SUMF1: variants seen among roughly 807,000 people sequenced by gnomAD.
The protein encoded by SUMF1 is sulfatase modifying factor 1.
SUMF1 carries 48 observed loss-of-function variants against 47.6 expected under a neutral mutation model. The observed-to-expected ratio is 1.01, with a 90% CI of 0.80 to 1.28. The LOEUF (loss-of-function observed/expected upper bound fraction) is 1.28. Among genes scored for constraint, SUMF1 ranks in the 50% most tolerant of loss-of-function variants. The pLI is 0.00. For missense variants in SUMF1, 571 were observed against 485.4 expected, an observed-to-expected ratio of 1.18 and a Z score of -1.66; for synonymous variants, 230 against 192.1, an observed-to-expected ratio of 1.20 and a Z score of -1.63.
intron 8 of SUMF1, among the ~76,000 whole-genome samples, chr3:4,341,460 T>C (rs759947811): frequency 1.3e-5 from 2 of 152,182 alleles, no homozygotes; most frequent in Admixed American, 6.5e-5. Flanking sequence ...AATGAATACA[T>C]AGCTTTTCTT....
chr3:4,322,803 A>G lies in SUMF1; in HGVS notation c.1014+53527T>C, dbSNP rs180810460. Among the ~76,000 whole-genome samples, 444 of 152,320 alleles carry G rather than the reference A, an allele frequency of 2.9e-3. 1 individual carries two copies. Among genetic ancestry groups the G allele is most frequent in the Non-Finnish European group, 5.2e-3 (353 of 68,018 alleles). On this transcript the variant is annotated intron_variant and NMD_transcript_variant, in intron 8 of 12. Coordinates refer to the SUMF1 transcript ENST00000448413. ...AGTTTGGCAGTTTCTCAAAGCTCAC[A>G]TACAATTACCACATGTCCCAGTAAC...
chr3:4,211,573 G>A (rs927250277), intron 8 of SUMF1, among the ~76,000 whole-genome samples: 6 of 151,708 alleles, frequency 4.0e-5, no homozygotes, highest in South Asian at 2.1e-4. Context: ...TACTTAAACC[G>A]GACACAGAAA....
At chr3:4,384,934 G>A (rs548658099) in intron 7 of SUMF1, among the ~76,000 whole-genome samples, 13 of 151,102 alleles carry the variant, frequency 8.6e-5, no homozygotes, top group Non-Finnish European at 1.9e-4. Flanking sequence ...CGCCCAGGCT[G>A]GAGCGCAGTG....
intron 8 of SUMF1, among the ~76,000 whole-genome samples, chr3:4,290,589 T>C (rs1175171924): frequency 2.0e-5 from 3 of 152,160 alleles, no homozygotes; most frequent in South Asian, 2.1e-4. Context: ...CTGCCCCAAA[T>C]CTACATCTTC....
intron 8 of SUMF1, chr3:4,316,806 G>T (rs968130346): frequency 1.9e-6 from 3 of 1,550,670 alleles, no homozygotes; most frequent in Non-Finnish European, 2.6e-6. Flanking sequence ...TTGGTGGTCT[G>T]CTGCTGGTCT....
At chr3:4,238,085 C>G (rs1378446018) in intron 8 of SUMF1, among the ~76,000 whole-genome samples, 2 of 152,120 alleles carry the variant, frequency 1.3e-5, no homozygotes, top group African/African-American at 4.8e-5. Context: ...CCAGCTTCAT[C>G]CATGTCCCTG....
At chr3:4,393,481 T>C (rs1219629198) in intron 7 of SUMF1, among the ~76,000 whole-genome samples, 2 of 152,188 alleles carry the variant, frequency 1.3e-5, no homozygotes, top group African/African-American at 2.4e-5. Context: ...TACAGGCATA[T>C]GCCACCACAC....
At chr3:4,186,323 A>T (rs1315942209) in intron 8 of SUMF1, among the ~76,000 whole-genome samples, 1 of 152,136 alleles carries the variant, frequency 6.6e-6, no homozygotes, top group Non-Finnish European at 1.5e-5. Context: ...CTATTTTTCC[A>T]TTAAGACTCC....
intron 8 of SUMF1, among the ~76,000 whole-genome samples, chr3:4,130,245 T>C (rs957744702): frequency 2.0e-5 from 3 of 152,170 alleles, no homozygotes; most frequent in African/African-American, 7.2e-5. Context: ...AGATGTGATT[T>C]CATTGCTTGA....
chr3:4,186,088 A>T (rs935011392), intron 8 of SUMF1, among the ~76,000 whole-genome samples: 1 of 152,182 alleles, frequency 6.6e-6, no homozygotes, highest in African/African-American at 2.4e-5. Flanking sequence ...GGATAGAGTC[A>T]TTTCAAATAC....
chr3:4,256,690 A>T (rs934399480), intron 8 of SUMF1, among the ~76,000 whole-genome samples: 6 of 152,162 alleles, frequency 3.9e-5, no homozygotes, highest in Non-Finnish European at 1.5e-5. Flanking sequence ...CAGAGGTACA[A>T]GGAGGAACTG....
chr3:4,133,944 G>A lies in SUMF1; in HGVS notation c.1015-65199C>T, dbSNP rs565833534. On this transcript the variant is annotated intron_variant and NMD_transcript_variant, in intron 8 of 12. Transcript: ENST00000448413. ...GATGGGAACACACGGGCAGACTGAC[G>A]AATCTGGGGATACTCAGCTCCTAAA... Among the ~76,000 whole-genome samples, 17 of 152,068 alleles carry A rather than the reference G, an allele frequency of 1.1e-4. No individual in the cohort carries two copies. In the South Asian group the frequency reaches 3.1e-3, roughly 28 times the overall value.
intron 8 of SUMF1, among the ~76,000 whole-genome samples, chr3:4,294,764 TA>T (rs931896379): frequency 1.3e-5 from 2 of 151,342 alleles, no homozygotes; most frequent in Admixed American, 6.6e-5. Context: ...ACTGGAGTTC[TA>T]AAAAAAAACA....
chr3:4,129,552 T>C (rs969812179), intron 8 of SUMF1, among the ~76,000 whole-genome samples: 2 of 152,130 alleles, frequency 1.3e-5, no homozygotes, highest in Non-Finnish European at 2.9e-5. Flanking sequence ...CAGAACCCCT[T>C]GAATGAAGGG....
chr3:4,340,102 TG>T, intron 8 of SUMF1, among the ~76,000 whole-genome samples: 1 of 122,134 alleles, frequency 8.2e-6, no homozygotes, highest in Admixed American at 7.8e-5. Flanking sequence ...CAGGCACCAA[TG>T]TGCACACACA....
chr3:4,058,158 T>C (rs972602854), intron 9 of SUMF1, among the ~76,000 whole-genome samples: 1 of 152,080 alleles, frequency 6.6e-6, no homozygotes, highest in South Asian at 2.1e-4. Context: ...ATCACACAGA[T>C]AGTAGATGAG....
intron 8 of SUMF1, among the ~76,000 whole-genome samples, chr3:4,238,368 G>A (rs1042017934): frequency 6.6e-6 from 1 of 152,116 alleles, no homozygotes; most frequent in Non-Finnish European, 1.5e-5. Flanking sequence ...TTCCACAGTG[G>A]TTGAACTAAT....
chr3:4,234,177 G>GA (rs1696359746), intron 8 of SUMF1, among the ~76,000 whole-genome samples: 1 of 152,050 alleles, frequency 6.6e-6, no homozygotes, highest in Non-Finnish European at 1.5e-5. Context: ...GTTTCTACAA[G>GA]TTGCTTAACC....
intron 8 of SUMF1, among the ~76,000 whole-genome samples, chr3:4,080,623 C>A (rs911126084): frequency 1.3e-5 from 2 of 152,088 alleles, no homozygotes; most frequent in South Asian, 2.1e-4. Context: ...GAAGAAAAAT[C>A]ATAAAATATG....
Sources: allele counts gnomAD v4.1 joint callset (sites outside exome capture counted in the v4.1 genomes callset), GRCh38; gene constraint gnomAD v4.1.1; transcripts MANE v1.5; gene names NCBI Gene and HGNC (gene_info 2026-07-23, HGNC 2026-07-21).